The following SAMD4A variants were observed in gnomAD, a reference collection of about 807,000 sequenced individuals.
SAMD4A encodes the protein sterile alpha motif domain containing 4A.
In SAMD4A, 33 loss-of-function variants were observed where a neutral mutation model predicts 81.3. The ratio of observed to expected loss-of-function variants is 0.41; its 90% confidence interval spans 0.31 to 0.54. The LOEUF is 0.54. Ranked by LOEUF, SAMD4A falls within the 20% of genes least tolerant of loss-of-function variation. The pLI is 0.37. For missense variants in SAMD4A, 854 were observed against 951.1 expected (o/e 0.90, Z 1.34); for synonymous variants, 389 against 382.1 (o/e 1.02, Z -0.21).
At chr14:54,718,406 T>G (rs989225974) in intron 3 of SAMD4A, among the ~76,000 whole-genome samples, 1 of 152,190 alleles carries the variant, frequency 6.6e-6, no homozygotes, top group African/African-American at 2.4e-5. Context: ...GGGCTTTGTG[T>G]TTTTGGCTGC....
chr14:54,625,010 C>T (rs1001543415), intron 2 of SAMD4A, among the ~76,000 whole-genome samples: 9 of 152,128 alleles, frequency 5.9e-5, no homozygotes, highest in African/African-American at 2.2e-4. Context: ...GAATTTATGA[C>T]CTGAATTTGG....
intron 2 of SAMD4A, among the ~76,000 whole-genome samples, chr14:54,605,828 C>T (rs2034183605): frequency 6.6e-6 from 1 of 151,628 alleles, no homozygotes; most frequent in African/African-American, 2.4e-5. Context: ...TAAACATGCC[C>T]ATATATATGT....
Position 54,723,384 on chromosome 14 carries a change from T to A in SAMD4A, c.716-13640T>A, listed in dbSNP as rs184942958. 2.6e-5 allele frequency among the ~76,000 whole-genome samples: 4 copies of A among 152,316 alleles called. No homozygotes were observed. In the East Asian group the frequency reaches 7.7e-4, roughly 29 times the overall value. On this transcript the variant is annotated intron_variant, in intron 3 of 12. Transcript: ENST00000554335. ...ATGAATTGTAAATGATTGCATGGAATAGCCAACTTGCAGACAGGGAAACAA... is the reference window on the plus strand; with the variant it reads ...ATGAATTGTAAATGATTGCATGGAAAAGCCAACTTGCAGACAGGGAAACAA...
At chr14:54,626,664 C>T (rs1170567163) in intron 2 of SAMD4A, among the ~76,000 whole-genome samples, 2 of 151,974 alleles carry the variant, frequency 1.3e-5, no homozygotes, top group Non-Finnish European at 2.9e-5. Context: ...TTTCCAGTTG[C>T]GTTTGTTTTT....
rs1176300245 is a variant in SAMD4A at position 54,572,926 on chromosome 14, G to A, written c.196+4814G>A. On this transcript the variant is annotated intron_variant, in intron 2 of 12. Transcript: ENST00000554335. ...TGAGGATGACTTGGAACCCTAAAAA[G>A]ATATAAGTCTACTGGGACCCACCTT... 2.0e-5 allele frequency among the ~76,000 whole-genome samples: 3 copies of A among 152,178 alleles called. No homozygotes were observed. The East Asian group carries it at 5.8e-4, about 29-fold the overall frequency.
intron 7 of SAMD4A, among the ~76,000 whole-genome samples, chr14:54,762,847 A>G (rs531140405): frequency 6.8e-6 from 1 of 147,490 alleles, no homozygotes; most frequent in East Asian, 2.0e-4. Flanking sequence ...ACATAAGCAC[A>G]TGAATATTCA....
chr14:54,788,340 C>T (rs2039192545), intron 12 of SAMD4A, among the ~76,000 whole-genome samples: 1 of 152,160 alleles, frequency 6.6e-6, no homozygotes, highest in South Asian at 2.1e-4. Context: ...GTGTCCGTTG[C>T]AGCCCCTGCC....
intron 3 of SAMD4A, among the ~76,000 whole-genome samples, chr14:54,714,800 A>G (rs1013793710): frequency 2.0e-5 from 3 of 152,148 alleles, no homozygotes; most frequent in African/African-American, 7.2e-5. Context: ...GTAAACTATG[A>G]TGGAATAGGA....
chr14:54,599,600 G>T lies in SAMD4A; in HGVS notation c.196+31488G>T, dbSNP rs78199019. Among the ~76,000 whole-genome samples the T allele has an allele frequency of 1.5e-3, 224 of 152,284 alleles. 1 individual carries two copies. The highest frequency in any genetic ancestry group is 5.0e-3 in the African/African-American group (208 of 41,562). The stretch of plus-strand genomic sequence containing the variant: ...CAATTTTGGCATGGCTGTTTGTCTA[G>T]CTCTGTGATCTTGGACAGGTCAATT... On this transcript the variant is annotated intron_variant, in intron 2 of 12. Coordinates refer to ENST00000554335, the MANE Select transcript of SAMD4A (RefSeq NM_015589.6).
At chr14:54,593,374 T>C (rs1055443529) in intron 2 of SAMD4A, among the ~76,000 whole-genome samples, 1 of 152,238 alleles carries the variant, frequency 6.6e-6, no homozygotes, top group Non-Finnish European at 1.5e-5. Flanking sequence ...GGCTGGTTTA[T>C]TTGTCATTTT....
At chr14:54,673,279 C>T (rs1199161249) in intron 2 of SAMD4A, among the ~76,000 whole-genome samples, 2 of 152,206 alleles carry the variant, frequency 1.3e-5, no homozygotes, top group Non-Finnish European at 1.5e-5. Context: ...GAATTTGGCT[C>T]TTTCACGCTC....
chr14:54,578,845 G>A (rs1329650389), intron 2 of SAMD4A, among the ~76,000 whole-genome samples: 1 of 151,958 alleles, frequency 6.6e-6, no homozygotes, highest in Non-Finnish European at 1.5e-5. Context: ...GTTTTTTTAT[G>A]GTAGTAGACA....
At chr14:54,646,917 C>G (rs1362169820) in intron 2 of SAMD4A, among the ~76,000 whole-genome samples, 1 of 152,142 alleles carries the variant, frequency 6.6e-6, no homozygotes, top group African/African-American at 2.4e-5. Flanking sequence ...ACCTGCCAAA[C>G]AAGGTTCCAC....
chr14:54,758,474 G>T (rs192135837), intron 6 of SAMD4A, among the ~76,000 whole-genome samples: 1 of 152,338 alleles, frequency 6.6e-6, no homozygotes, highest in African/African-American at 2.4e-5. Flanking sequence ...CCCCAGGAAT[G>T]GATTGGATAC....
intron 2 of SAMD4A, among the ~76,000 whole-genome samples, chr14:54,600,573 A>G (rs534853079): frequency 2.0e-5 from 3 of 152,284 alleles, no homozygotes; most frequent in Non-Finnish European, 4.4e-5. Context: ...TCTAGACTAA[A>G]ATTGTTTTCT....
In SAMD4A at chr14:54,600,071, G is replaced by A. The variant is rs547359171; in HGVS notation, c.196+31959G>A. Among the ~76,000 whole-genome samples, 3 of 152,340 alleles carry A rather than the reference G, an allele frequency of 2.0e-5. No individual in the cohort carries two copies. The South Asian group carries it at 6.2e-4, about 32-fold the overall frequency. On this transcript the variant is annotated intron_variant, in intron 2 of 12. Transcript: ENST00000554335. ...CTACTGCCAGGCTGGAGTGAGTAAT[G>A]ACAACCTTTTGGCAGATCAAATTTC...
intron 3 of SAMD4A, among the ~76,000 whole-genome samples, chr14:54,724,720 C>A (rs774998183): frequency 3.3e-5 from 5 of 152,132 alleles, no homozygotes; most frequent in East Asian, 3.9e-4. Flanking sequence ...GCAGGAAAAA[C>A]CAGACATTAG....
At chr14:54,667,943 C>T (rs2035790892) in intron 2 of SAMD4A, among the ~76,000 whole-genome samples, 1 of 152,202 alleles carries the variant, frequency 6.6e-6, no homozygotes, top group Non-Finnish European at 1.5e-5. Context: ...GAGGGCCTCA[C>T]CCTCTGTTTC....
At chr14:54,589,463 A>G (rs2097159146) in intron 2 of SAMD4A, among the ~76,000 whole-genome samples, 1 of 152,182 alleles carries the variant, frequency 6.6e-6, no homozygotes, top group African/African-American at 2.4e-5. Context: ...TGTTAGCAAT[A>G]TAAGTAGCAA....
Sources: gnomAD v4.1 joint callset for allele counts (sites outside exome capture counted in the v4.1 genomes callset) on GRCh38, gnomAD v4.1.1 for gene constraint, MANE v1.5 for transcripts, NCBI Gene and HGNC (gene_info 2026-07-23, HGNC 2026-07-21) for gene names.